TSPAN7: variants seen among roughly 807,000 people sequenced by gnomAD.
TSPAN7 encodes the protein tetraspanin-7.
A neutral mutation model predicts 17.6 loss-of-function variants in TSPAN7; 1 was observed. The ratio of observed to expected loss-of-function variants is 0.06; its 90% confidence interval spans 0.02 to 0.27. TSPAN7 has a LOEUF of 0.27. TSPAN7 is among the 10% of genes least tolerant of loss of function. The pLI is 1.00. For synonymous variants in TSPAN7, 78 were observed against 79.0 expected (o/e 0.99, Z 0.07); for missense variants, 112 against 201.7 (o/e 0.56, Z 2.69).
intron 1 of TSPAN7, among the ~76,000 whole-genome samples, chrX:38,604,755 A>G (rs1404114609): frequency 9.0e-6 from 1 of 111,004 alleles, no homozygotes; most frequent in Non-Finnish European, 1.9e-5. Context: ...CTGGTTCAAT[A>G]TACACAAATC....
At chrX:38,580,993 C>A (rs1281877598) in intron 1 of TSPAN7, among the ~76,000 whole-genome samples, 1 of 112,351 alleles carries the variant, frequency 8.9e-6, no homozygotes, top group Non-Finnish European at 1.9e-5. Flanking sequence ...AGGGAGAAGC[C>A]TCTGTTTTCC....
At chrX:38,668,544 A>C (rs1468906466) in intron 2 of TSPAN7, among the ~76,000 whole-genome samples, 3 of 112,038 alleles carry the variant, frequency 2.7e-5, no homozygotes. Context: ...TATGTGTAAG[A>C]TCAGGCAGTT....
chrX:38,657,770 C>A (rs1278651827), intron 1 of TSPAN7, among the ~76,000 whole-genome samples: 3 of 112,319 alleles, frequency 2.7e-5, no homozygotes, highest in Non-Finnish European at 3.8e-5. Flanking sequence ...TACAGCATGC[C>A]TGGAGCCATT....
At chrX:38,607,572 A>G (rs770982179) in intron 1 of TSPAN7, among the ~76,000 whole-genome samples, 16 of 111,598 alleles carry the variant, frequency 1.4e-4, no homozygotes, top group African/African-American at 5.2e-4. Context: ...AGAATCTGCA[A>G]TTCTAACAAG....
intron 2 of TSPAN7, among the ~76,000 whole-genome samples, chrX:38,667,034 C>T (rs1441331752): frequency 8.9e-6 from 1 of 112,092 alleles, no homozygotes; most frequent in African/African-American, 3.2e-5. Context: ...TACTTTCCAC[C>T]TCCTTGAGCC....
chrX:38,645,672 C>T (rs1255294112), intron 1 of TSPAN7, among the ~76,000 whole-genome samples: 1 of 111,771 alleles, frequency 8.9e-6, no homozygotes, highest in Non-Finnish European at 1.9e-5. Flanking sequence ...CTTATTTTTC[C>T]CAAAAGCCAG....
chrX:38,627,450 G>A (rs1041152176), intron 1 of TSPAN7, among the ~76,000 whole-genome samples: 6 of 112,142 alleles, frequency 5.4e-5, no homozygotes, highest in Admixed American at 2.8e-4. Context: ...AGATTGTTAC[G>A]TCAGTGAGGT....
rs1437676361 is a variant in TSPAN7 at position 38,573,972 on chromosome X, C to T, written c.81+12345C>T. On this transcript the variant is annotated intron_variant, in intron 1 of 7. Coordinates refer to ENST00000378482, the MANE Select transcript of TSPAN7 (RefSeq NM_004615.4). Reference sequence around the variant, plus strand: ...GGTGAGATAATTTGTCAGGTTTCTCCACCGTAAAGTTGCTCTTTCCTCGCT... The same window carrying T: ...GGTGAGATAATTTGTCAGGTTTCTCTACCGTAAAGTTGCTCTTTCCTCGCT... 5.4e-5 allele frequency among the ~76,000 whole-genome samples: 6 copies of T among 111,755 alleles called. No individual in the cohort carries two copies. In the Admixed American group the frequency reaches 5.7e-4, roughly 11 times the overall value.
intron 1 of TSPAN7, among the ~76,000 whole-genome samples, chrX:38,659,025 CA>C (rs2069723472): frequency 1.1e-5 from 1 of 92,789 alleles, no homozygotes; most frequent in African/African-American, 4.0e-5. Flanking sequence ...CACACACACA[CA>C]CACACACACA....
At chrX:38,636,783 C>A (rs1052984656) in intron 1 of TSPAN7, among the ~76,000 whole-genome samples, 8 of 110,738 alleles carry the variant, frequency 7.2e-5, no homozygotes, top group African/African-American at 2.6e-4. Flanking sequence ...TCAAGCAATT[C>A]TCCTGCCTCA....
rs368055245 is a variant in TSPAN7, at chrX:38,576,121, G to A, written c.81+14494G>A. ...CAGCATAGACAATATGTAAATGAATGAGTAAGGCTATAGTCCAATAAAACT... is the reference window on the plus strand; with the variant it reads ...CAGCATAGACAATATGTAAATGAATAAGTAAGGCTATAGTCCAATAAAACT... On this transcript the variant is annotated intron_variant, in intron 1 of 7. Coordinates refer to ENST00000378482, the MANE Select transcript of TSPAN7 (RefSeq NM_004615.4). 7.1e-5 allele frequency among the ~76,000 whole-genome samples: 8 copies of A among 112,383 alleles called. No individual in the cohort carries two copies. In the South Asian group the frequency reaches 2.6e-3, roughly 36 times the overall value.
chrX:38,681,163 A>T (rs772464027), intron 5 of TSPAN7, 41 bp from the exon 6 acceptor site: 1 of 1,125,728 alleles, frequency 8.9e-7, no homozygotes, highest in Non-Finnish European at 1.2e-6. Context: ...GCTTGGCCTG[A>T]GTGAAAACAT....
At chrX:38,587,354 G>T (rs770260629) in intron 1 of TSPAN7, among the ~76,000 whole-genome samples, 2 of 111,985 alleles carry the variant, frequency 1.8e-5, no homozygotes, top group South Asian at 7.5e-4. Context: ...AATCTGCTTT[G>T]TTGTGGAGAG....
chrX:38,648,678 C>T (rs140204035), intron 1 of TSPAN7, among the ~76,000 whole-genome samples: 3,903 of 111,714 alleles, frequency 0.035, 179 homozygotes, highest in African/African-American at 0.12. Flanking sequence ...TCTCAAACTC[C>T]TGGCCTTAAA....
chrX:38,674,717 G>C (rs1293196220), intron 4 of TSPAN7, among the ~76,000 whole-genome samples: 1 of 111,323 alleles, frequency 9.0e-6, no homozygotes, highest in Non-Finnish European at 1.9e-5. Context: ...ACTGGCTGGG[G>C]CAGTGGAGTG....
At chrX:38,566,337 G>C in intron 1 of TSPAN7, 1 of 961,286 alleles carries the variant, frequency 1.0e-6, no homozygotes. Context: ...TAGAAGAGGA[G>C]GGAAAAACAC....
At chrX:38,599,542 A>G (rs2069334692) in intron 1 of TSPAN7, among the ~76,000 whole-genome samples, 1 of 111,576 alleles carries the variant, frequency 9.0e-6, no homozygotes, top group Admixed American at 9.5e-5. Flanking sequence ...CAAAGACAAT[A>G]GGCATTATGA....
intron 1 of TSPAN7, among the ~76,000 whole-genome samples, chrX:38,655,111 A>G (rs2069695179): frequency 9.0e-6 from 1 of 111,514 alleles, no homozygotes; most frequent in Admixed American, 9.6e-5. Flanking sequence ...TCTCTGAGAG[A>G]TGAAATGTTG....
At chrX:38,654,128 TGGA>T (rs1238464950) in intron 1 of TSPAN7, among the ~76,000 whole-genome samples, 1 of 111,608 alleles carries the variant, frequency 9.0e-6, no homozygotes, top group African/African-American at 3.3e-5. Context: ...AAAGCAGTAG[TGGA>T]GGGTCAGGGC....
Sources: gnomAD v4.1 joint callset for allele counts (sites outside exome capture counted in the v4.1 genomes callset) on GRCh38, gnomAD v4.1.1 for gene constraint, MANE v1.5 for transcripts, NCBI Gene and HGNC (gene_info 2026-07-23, HGNC 2026-07-21) for gene names.